Variants in MAP3K5 observed in about 807,000 individuals in gnomAD.
MAP3K5 encodes the protein mitogen-activated protein kinase kinase kinase 5.
Under a neutral mutation model 158.7 loss-of-function variants are expected in MAP3K5, and 56 were observed. That is an observed-to-expected ratio of 0.35 (90% CI 0.28 to 0.44). MAP3K5 has a LOEUF of 0.44. Among genes scored for constraint, MAP3K5 ranks in the 20% least tolerant of loss-of-function variants. The pLI, the probability that MAP3K5 is intolerant of heterozygous loss-of-function variation, is 1.00. For synonymous variants in MAP3K5, 579 were observed against 601.7 expected (o/e 0.96, Z 0.55); for missense variants, 1,294 against 1,674.8 (o/e 0.77, Z 3.97).
At chr6:136,739,738 T>C (rs1454723568) in intron 1 of MAP3K5, among the ~76,000 whole-genome samples, 2 of 152,194 alleles carry the variant, frequency 1.3e-5, no homozygotes, top group African/African-American at 2.4e-5. Context: ...GCAAGCCCCG[T>C]AGAAGGTGCA....
intron 14 of MAP3K5, among the ~76,000 whole-genome samples, chr6:136,631,114 C>A (rs1291067828): frequency 6.6e-6 from 1 of 152,100 alleles, no homozygotes; most frequent in African/African-American, 2.4e-5. Flanking sequence ...TAAAACAAAA[C>A]AAAAGAATAA....
intron 1 of MAP3K5, among the ~76,000 whole-genome samples, chr6:136,764,238 C>G (rs1248144630): frequency 1.3e-5 from 2 of 152,170 alleles, no homozygotes; most frequent in African/African-American, 2.4e-5. Context: ...TCAGTTACCC[C>G]CCTTCCCTTG....
chr6:136,710,657 A>C (rs1343048806), intron 2 of MAP3K5, among the ~76,000 whole-genome samples: 1 of 152,182 alleles, frequency 6.6e-6, no homozygotes, highest in Non-Finnish European at 1.5e-5. Flanking sequence ...CAGCGAAAGA[A>C]GTGGGAATAG....
chr6:136,663,333 C>T (rs935137487), intron 8 of MAP3K5, among the ~76,000 whole-genome samples: 1 of 152,194 alleles, frequency 6.6e-6, no homozygotes, highest in Non-Finnish European at 1.5e-5. Flanking sequence ...TGCTTCATCT[C>T]CCTGAATATT....
At chr6:136,641,560 C>T (rs1777935550) in intron 12 of MAP3K5, among the ~76,000 whole-genome samples, 1 of 151,742 alleles carries the variant, frequency 6.6e-6, no homozygotes, top group Admixed American at 6.6e-5. Context: ...TTCTAAGCTA[C>T]TGGCATTGTG....
At chr6:136,668,271 C>T (rs960298553) in intron 8 of MAP3K5, among the ~76,000 whole-genome samples, 1 of 152,048 alleles carries the variant, frequency 6.6e-6, no homozygotes, top group Non-Finnish European at 1.5e-5. Context: ...ACAGTCCCAG[C>T]TTCTTAGGAG....
At chr6:136,574,846 C>T (rs1386376453) in intron 25 of MAP3K5, among the ~76,000 whole-genome samples, 6 of 151,942 alleles carry the variant, frequency 3.9e-5, no homozygotes, top group East Asian at 3.9e-4. Flanking sequence ...CCCGCTACCT[C>T]GCCCGGCTAA....
In MAP3K5 at chr6:136,768,652, G is replaced by A. The variant is rs61395601; in HGVS notation, c.448+23058C>T. Among the ~76,000 whole-genome samples, 11 of 152,172 alleles carry A rather than the reference G, an allele frequency of 7.2e-5. No homozygotes were observed. The East Asian group carries it at 2.1e-3, about 29-fold the overall frequency. On this transcript the variant is annotated intron_variant, in intron 1 of 29. Coordinates refer to ENST00000359015, the MANE Select transcript of MAP3K5 (RefSeq NM_005923.4). ...TTGGTGGCCAGGCATGGTGGCTCAC[G>A]CCTGTAATCCCAGCACTTTGGGAGG...
In MAP3K5 at chr6:136,705,137, A is replaced by G. The variant is rs779898738; in HGVS notation, c.589-4T>C. 3 of 1,170,888 alleles carry G rather than the reference A, an allele frequency of 2.6e-6. No homozygotes were observed. Among genetic ancestry groups the G allele is most frequent in the South Asian group, 2.9e-5 (2 of 68,798 alleles). The allele number at this position is 1,170,888 out of a possible 1,614,324, so 72.5% of individuals were successfully genotyped here. ...TATTCTTCTGGCAAATTATTTCCTG[A>G]AAAACAAGAAAAAAAATATACCACA... On this transcript the variant is annotated splice_region_variant and splice_polypyrimidine_tract_variant and intron_variant, in intron 2 of 29. Transcript: ENST00000359015.
At chr6:136,634,967 C>T (rs1777551849) in intron 14 of MAP3K5, among the ~76,000 whole-genome samples, 1 of 151,626 alleles carries the variant, frequency 6.6e-6, no homozygotes, top group Non-Finnish European at 1.5e-5. Context: ...TCACTGAAAC[C>T]TCTGCCTCCC....
At chr6:136,579,983 T>A in intron 25 of MAP3K5, 1 of 418,850 alleles carries the variant, frequency 2.4e-6, no homozygotes, top group South Asian at 1.8e-5. Context: ...GGGTAAAAGA[T>A]GTAGGAATGT....
intron 29 of MAP3K5, among the ~76,000 whole-genome samples, chr6:136,558,529 C>T (rs1251042336): frequency 6.6e-6 from 1 of 152,142 alleles, no homozygotes; most frequent in Non-Finnish European, 1.5e-5. Flanking sequence ...TTGTTTAAGG[C>T]AGCTTCAGAA....
At chr6:136,771,303 A>G (rs1784190657) in intron 1 of MAP3K5, among the ~76,000 whole-genome samples, 1 of 152,204 alleles carries the variant, frequency 6.6e-6, no homozygotes, top group South Asian at 2.1e-4. Context: ...GCTGTCATCA[A>G]AAAGCACTCT....
At chr6:136,787,009 A>G (rs1784879917) in intron 1 of MAP3K5, among the ~76,000 whole-genome samples, 1 of 151,880 alleles carries the variant, frequency 6.6e-6, no homozygotes, top group African/African-American at 2.4e-5. Context: ...AAACGTTGAG[A>G]CCTTCATTAG....
At chr6:136,746,308 A>G (rs990152369) in intron 1 of MAP3K5, among the ~76,000 whole-genome samples, 1 of 152,178 alleles carries the variant, frequency 6.6e-6, no homozygotes, top group African/African-American at 2.4e-5. Context: ...GGAAAATACA[A>G]ATACGTTCAT....
chr6:136,626,953 C>G (rs1286221662), intron 14 of MAP3K5, among the ~76,000 whole-genome samples: 1 of 152,132 alleles, frequency 6.6e-6, no homozygotes, highest in East Asian at 1.9e-4. Context: ...ATCCTTTCCA[C>G]TACCTATGCA....
intron 25 of MAP3K5, among the ~76,000 whole-genome samples, chr6:136,578,532 A>G (rs1030676728): frequency 2.6e-5 from 4 of 152,148 alleles, no homozygotes; most frequent in Admixed American, 2.6e-4. Flanking sequence ...AACCATTTCC[A>G]AGGAGAGAGA....
chr6:136,731,809 A>T (rs1782237156), intron 1 of MAP3K5, among the ~76,000 whole-genome samples: 1 of 152,236 alleles, frequency 6.6e-6, no homozygotes, highest in South Asian at 2.1e-4. Flanking sequence ...GGCAAAGAAC[A>T]AAAGGTGATA....
rs1228272321 is a variant in MAP3K5, at chr6:136,580,345, A to G, written c.3473T>C (p.Ile1158Thr). 4 of 1,613,868 alleles carry G rather than the reference A, an allele frequency of 2.5e-6. No homozygotes were observed. Among genetic ancestry groups the G allele is most frequent in the South Asian group, 2.2e-5 (2 of 91,072 alleles). ...GGCTGTCTGTACCGCCTTCCGAATG[A>G]TACTGTCTAAGGCAAACATCCAGTG... ...KPHWMFALDS[I>T]IRKAVQTAIT... Residue 1158 changes from isoleucine (I) to threonine (T), a missense_variant, in exon 25 of 30, where the codon ATC becomes ACC. Physicochemically the swap from Ile to Thr is moderately conservative, Grantham distance 89 (BLOSUM62 -1). Coordinates refer to ENST00000359015, the MANE Select transcript of MAP3K5 (RefSeq NM_005923.4).
Sources: gnomAD v4.1 joint callset for allele counts (sites outside exome capture counted in the v4.1 genomes callset) on GRCh38, gnomAD v4.1.1 for gene constraint, MANE v1.5 for transcripts, NCBI Gene and HGNC (gene_info 2026-07-23, HGNC 2026-07-21) for gene names.